TRIM4: variants seen among roughly 807,000 people sequenced by gnomAD.
TRIM4 encodes E3 ubiquitin-protein ligase TRIM4.
A neutral mutation model predicts 33.7 loss-of-function variants in TRIM4; 29 were observed. That is an observed-to-expected ratio of 0.86 (90% CI 0.64 to 1.17). The LOEUF (loss-of-function observed/expected upper bound fraction) is 1.17. Among genes scored for constraint, TRIM4 ranks in the 50% most tolerant of loss-of-function variants. The pLI is 0.00. For synonymous variants in TRIM4, 224 were observed against 233.0 expected, an observed-to-expected ratio of 0.96 and a Z score of 0.35; for missense variants, 554 against 593.7, an observed-to-expected ratio of 0.93 and a Z score of 0.69.
Position 99,919,414 on chromosome 7 carries a change from C to A in TRIM4, c.-13G>T, listed in dbSNP as rs1178749441. The stretch of plus-strand genomic sequence containing the variant: ...CCTCAGCTTCCATGCTGCTTCCCTG[C>A]CGCGGAGACGGAGTCCGACGTGAGG... On this transcript the variant is annotated 5_prime_UTR_variant, in exon 1 of 6. Coordinates refer to ENST00000349062, the MANE Select transcript of TRIM4 (RefSeq NM_033091.3). 19 of 1,523,088 alleles carry A rather than the reference C, an allele frequency of 1.2e-5. No homozygotes were observed. Among genetic ancestry groups the A allele is most frequent in the Admixed American group, 2.1e-5 (1 of 47,704 alleles). 94.3% of individuals were successfully genotyped at this position (1,523,088 alleles called of 1,614,324 possible). A position where few individuals can be genotyped will look rare whatever the true frequency, so the allele number is the denominator to read the frequency against.
chr7:99,911,550 A>G (rs573357785), intron 1 of TRIM4, among the ~76,000 whole-genome samples: 41 of 152,382 alleles, frequency 2.7e-4, no homozygotes, highest in African/African-American at 9.4e-4. Flanking sequence ...ATTCTTCCCC[A>G]GAAAACTAAC....
chr7:99,903,061 A>T (rs1438360853), intron 5 of TRIM4, among the ~76,000 whole-genome samples, 157 bp downstream of exon 5: 1 of 152,064 alleles, frequency 6.6e-6, no homozygotes, highest in African/African-American at 2.4e-5. Flanking sequence ...TGCGTTAAAT[A>T]AATGTTTCTT....
intron 5 of TRIM4, chr7:99,901,890 G>A (rs1193171807): frequency 1.5e-5 from 8 of 540,510 alleles, no homozygotes; most frequent in Admixed American, 6.7e-5. Context: ...GGCTCTCTCC[G>A]CTCCAGGATA....
chr7:99,909,740 T>C, intron 1 of TRIM4, 80 bp from the exon 2 acceptor site: 2 of 1,246,238 alleles, frequency 1.6e-6, no homozygotes, highest in Admixed American at 2.5e-5. Flanking sequence ...TTTTTTTTTT[T>C]TTTTTTTTTT....
Position 99,908,728 on chromosome 7 carries a change from G to A in TRIM4, c.574C>T (p.Leu192Phe). 3.1e-6 allele frequency: 5 copies of A among 1,614,134 alleles called. No individual in the cohort carries two copies. Among genetic ancestry groups the A allele is most frequent in the Non-Finnish European group, 4.2e-6 (5 of 1,180,020 alleles). ...TCTTCTTCTTTGTTCAATCTCTGAA[G>A]AAACAGGTCCTCTTCTTCAACCAGG... ...NFLVEEEDLFLQRLNKEEEET... is the reference protein window; with the variant it reads ...NFLVEEEDLFFQRLNKEEEET... Residue 192 changes from leucine to phenylalanine, a missense_variant, in exon 3 of 6, where the codon CTT becomes TTT. By Grantham distance (22) the Leu-to-Phe change is conservative. Transcript: ENST00000349062.
At chr7:99,916,646 A>G (rs1819560787) in intron 1 of TRIM4, 4 of 762,664 alleles carry the variant, frequency 5.2e-6, no homozygotes, top group African/African-American at 3.4e-5. Context: ...GCTCATTATC[A>G]CTCCATCCCT....
intron 5 of TRIM4, among the ~76,000 whole-genome samples, chr7:99,895,871 T>C (rs1270522770): frequency 6.6e-6 from 1 of 152,180 alleles, no homozygotes; most frequent in African/African-American, 2.4e-5. Flanking sequence ...AACATATCTT[T>C]TTCCATTCTT....
rs772130314 is a variant in TRIM4, at chr7:99,892,564, A to G, written c.1024T>C (p.Cys342Arg). Reference protein sequence around the residue: ...AFVERFQHLPCVLGKNVFTSG... With the variant: ...AFVERFQHLPRVLGKNVFTSG... ...GTGAAAACGTTTTTTCCCAGAACAC[A>G]GGGTAAGTGCTGAAATCTCTCTACA... is the stretch of plus-strand genomic sequence containing the variant. The change falls in exon 6 of 6, where the codon TGT (cysteine) becomes CGT (arginine). Residue 342 changes from cysteine to arginine, a missense_variant. By Grantham distance (180) the Cys-to-Arg change is radical. This residue lies in a region of TRIM4 where 290 missense variants were observed against 335.8 expected (regional missense o/e 0.86). Coordinates refer to ENST00000349062, the MANE Select transcript of TRIM4 (RefSeq NM_033091.3). 1 of 1,614,230 alleles carries G rather than the reference A, an allele frequency of 6.2e-7. No homozygotes were observed. Among genetic ancestry groups the G allele is most frequent in the South Asian group, 1.1e-5 (1 of 91,074 alleles).
chr7:99,907,485 C>T (rs1459879290), intron 3 of TRIM4, among the ~76,000 whole-genome samples: 1 of 152,220 alleles, frequency 6.6e-6, no homozygotes, highest in Non-Finnish European at 1.5e-5. Context: ...AAACATTCTG[C>T]TGGCTCACAT....
intron 1 of TRIM4, among the ~76,000 whole-genome samples, chr7:99,910,155 T>C (rs1488828424): frequency 6.6e-6 from 1 of 152,190 alleles, no homozygotes; most frequent in Non-Finnish European, 1.5e-5. Context: ...CAACACTATA[T>C]TGAGTTTTCC....
chr7:99,906,660 C>G (rs1819313497), intron 3 of TRIM4, among the ~76,000 whole-genome samples: 1 of 151,878 alleles, frequency 6.6e-6, no homozygotes, highest in African/African-American at 2.4e-5. Context: ...GAGAAAAGAG[C>G]TAGAGAAGAA....
At chr7:99,911,360 G>A (rs779102867) in intron 1 of TRIM4, among the ~76,000 whole-genome samples, 4 of 152,182 alleles carry the variant, frequency 2.6e-5, no homozygotes, top group East Asian at 3.8e-4. Context: ...CAAAGGAAGA[G>A]ACCATTTAAA....
intron 5 of TRIM4, 45 bp from the exon 6 acceptor site, chr7:99,892,791 A>C (rs984655911): frequency 1.3e-6 from 2 of 1,489,892 alleles, no homozygotes; most frequent in African/African-American, 2.8e-5. Flanking sequence ...CTTATCATCA[A>C]CCCTTCCCCA....
rs745391513 is a variant in TRIM4, at chr7:99,892,264, G to A, written c.1324C>T (p.Leu442=). Reference sequence around the variant, plus strand: ...ACAGAAGAACAAGAAAAGGTGTGCAGGTGCACTCCGTCCACAGCGCTGTAG... The same window carrying A: ...ACAGAAGAACAAGAAAAGGTGTGCAAGTGCACTCCGTCCACAGCGCTGTAG... ...SFYSAVDGVH[L]HTFSCSSVSR... Residue 442 remains leucine (L), a synonymous_variant, in exon 6 of 6, where the codon CTG becomes TTG. Coordinates refer to ENST00000349062, the MANE Select transcript of TRIM4 (RefSeq NM_033091.3). The A allele has an allele frequency of 3.1e-6, 5 of 1,614,184 alleles. No individual in the cohort carries two copies. The highest frequency in any genetic ancestry group is 4.2e-6 in the Non-Finnish European group (5 of 1,180,038).
rs560812005 is a variant in TRIM4, at chr7:99,913,534, G to A, written c.394-3874C>T. 1.5e-3 allele frequency among the ~76,000 whole-genome samples: 225 copies of A among 152,152 alleles called. 1 individual carries two copies. The highest frequency in any genetic ancestry group is 1.1e-3 in the Non-Finnish European group (75 of 67,990). On this transcript the variant is annotated intron_variant, in intron 1 of 5. Transcript: ENST00000349062. ...ATACAAAAAAAAATTAGCCGGGCAT[G>A]GTGGCACACGCCTGTAATCCCAGCT...
chr7:99,906,674 C>T (rs1172032700), intron 3 of TRIM4, among the ~76,000 whole-genome samples: 1 of 151,780 alleles, frequency 6.6e-6, no homozygotes, highest in Admixed American at 6.6e-5. Flanking sequence ...AGAAGAAACC[C>T]AAGGACCAAT....
intron 1 of TRIM4, among the ~76,000 whole-genome samples, chr7:99,915,625 T>C (rs1819539497): frequency 6.6e-6 from 1 of 152,194 alleles, no homozygotes; most frequent in Non-Finnish European, 1.5e-5. Flanking sequence ...GTTTATGTTT[T>C]TCTAACTAAC....
chr7:99,902,040 G>A, intron 5 of TRIM4: 1 of 747,638 alleles, frequency 1.3e-6, no homozygotes, highest in Non-Finnish European at 2.4e-6. Flanking sequence ...GCAGAGGGTA[G>A]GGCAATCATA....
intron 5 of TRIM4, chr7:99,901,934 T>C (rs1341091150): frequency 3.3e-6 from 2 of 600,990 alleles, no homozygotes. Flanking sequence ...CACTACTTTG[T>C]TCTCCGTGAA....
Sources: allele counts gnomAD v4.1 joint callset (sites outside exome capture counted in the v4.1 genomes callset), GRCh38; gene constraint gnomAD v4.1.1; regional missense constraint gnomAD v4.1.1; transcripts MANE v1.5; gene names NCBI Gene and HGNC (gene_info 2026-07-23, HGNC 2026-07-21).